The following GPAT3 variants were observed in gnomAD, a reference collection of about 807,000 sequenced individuals.
GPAT3 encodes 1-AGP acyltransferase 9.
In GPAT3, 53 loss-of-function variants were observed where a neutral mutation model predicts 58.8. The ratio of observed to expected loss-of-function variants is 0.90; its 90% CI spans 0.72 to 1.13. GPAT3 has a LOEUF of 1.13. GPAT3 is among the 50% of genes most tolerant of loss of function. The pLI, the probability that GPAT3 is intolerant of heterozygous loss-of-function variation, is 0.00. For synonymous variants in GPAT3, 197 were observed against 187.4 expected (o/e 1.05, Z -0.42); for missense variants, 511 against 527.6 (o/e 0.97, Z 0.31).
intron 4 of GPAT3, among the ~76,000 whole-genome samples, chr4:83,587,989 A>G (rs1012677400): frequency 2.6e-5 from 4 of 152,162 alleles, no homozygotes; most frequent in Admixed American, 6.5e-5. Flanking sequence ...GCCACTTTTC[A>G]TTAGAGTTAT....
intron 6 of GPAT3, among the ~76,000 whole-genome samples, chr4:83,591,726 T>G (rs1726608367): frequency 6.6e-6 from 1 of 152,188 alleles, no homozygotes; most frequent in African/African-American, 2.4e-5. Flanking sequence ...TGACCTTCCC[T>G]GTAATCCAAT....
At chr4:83,587,396 G>C in intron 4 of GPAT3, 67 bp downstream of exon 4, 1 of 1,361,974 alleles carries the variant, frequency 7.3e-7, no homozygotes, top group Non-Finnish European at 1.0e-6. Context: ...TCCACAAAGA[G>C]AATATTTGTT....
At chr4:83,595,651 C>G (rs1041489003) in intron 7 of GPAT3, among the ~76,000 whole-genome samples, 3 of 151,890 alleles carry the variant, frequency 2.0e-5, no homozygotes, top group African/African-American at 4.8e-5. Context: ...GAGGTTGAGG[C>G]TGCAGTGAGC....
rs144540309 is a variant in GPAT3, at chr4:83,586,413, G to A, written c.480-842G>A. On this transcript the variant is annotated intron_variant, in intron 3 of 11. Transcript: ENST00000264409. ...TCAGTCTGCTTATTGAATACCTCAC[G>A]CATTCAGCAACACGTGTGTGCTCTT... Among the ~76,000 whole-genome samples the A allele has an allele frequency of 1.9e-3, 282 of 152,196 alleles. 2 individuals are homozygous for A. Among genetic ancestry groups the A allele is most frequent in the African/African-American group, 6.1e-3 (254 of 41,542 alleles).
intron 1 of GPAT3, among the ~76,000 whole-genome samples, chr4:83,540,173 A>AAAAAG (rs1235754097): frequency 2.0e-5 from 3 of 152,002 alleles, no homozygotes; most frequent in African/African-American, 7.3e-5. Context: ...AAAAAAAAAA[A>AAAAAG]AAAAGAAATC....
At chr4:83,557,442 C>T (rs536258555) in intron 2 of GPAT3, among the ~76,000 whole-genome samples, 3 of 152,130 alleles carry the variant, frequency 2.0e-5, no homozygotes, top group African/African-American at 7.2e-5. Context: ...CTTTTGGCTT[C>T]CCTAGGCCAC....
intron 2 of GPAT3, among the ~76,000 whole-genome samples, chr4:83,562,898 A>G (rs1262137861): frequency 1.3e-5 from 2 of 152,172 alleles, no homozygotes; most frequent in South Asian, 2.1e-4. Context: ...TTTTCTCCCA[A>G]GAATAATAGA....
At chr4:83,548,854 C>T (rs1724639882) in intron 2 of GPAT3, among the ~76,000 whole-genome samples, 1 of 152,108 alleles carries the variant, frequency 6.6e-6, no homozygotes, top group Non-Finnish European at 1.5e-5. Flanking sequence ...GGAGAAGGTA[C>T]TAAGGTGAAA....
intron 7 of GPAT3, among the ~76,000 whole-genome samples, chr4:83,596,645 AGACTTACTTT>A (rs1258150328): frequency 5.9e-5 from 9 of 152,146 alleles, no homozygotes; most frequent in African/African-American, 2.2e-4. Flanking sequence ...AAAAGAAAAA[AGACTTACTTT>A]GAAATTAGAG....
chr4:83,551,813 A>AAAAAATCTATCTATCTATCT (rs768726930), intron 2 of GPAT3, among the ~76,000 whole-genome samples: 2 of 102,400 alleles, frequency 2.0e-5, no homozygotes, highest in African/African-American at 9.3e-5. Context: ...AAAAAAAAAA[A>AAAAAATCTATCTATCTATCT]ATCTATCTAT....
intron 2 of GPAT3, among the ~76,000 whole-genome samples, chr4:83,551,681 A>T (rs1724755394): frequency 6.6e-6 from 1 of 151,146 alleles, no homozygotes. Context: ...AGTCTCAGCT[A>T]CTCAGGAGGC....
intron 10 of GPAT3, 142 bp downstream of exon 10, chr4:83,598,321 C>A: frequency 1.8e-6 from 2 of 1,135,544 alleles, no homozygotes; most frequent in Non-Finnish European, 2.5e-6. Context: ...ATTTAGCTCA[C>A]TTTAAATCAG....
intron 2 of GPAT3, among the ~76,000 whole-genome samples, chr4:83,545,356 G>T (rs1461945445): frequency 1.3e-5 from 2 of 151,894 alleles, no homozygotes; most frequent in African/African-American, 4.8e-5. Context: ...TGAGGTGGGA[G>T]GATCACTTGA....
intron 2 of GPAT3, among the ~76,000 whole-genome samples, chr4:83,563,478 C>CT (rs908400401): frequency 0.021 from 2,378 of 114,454 alleles, 66 homozygotes; most frequent in Non-Finnish European, 0.028. Context: ...TTTCTTTCTT[C>CT]TTTTTTTTTT....
intron 1 of GPAT3, among the ~76,000 whole-genome samples, chr4:83,542,919 A>T (rs556431987): frequency 2.0e-5 from 3 of 151,662 alleles, no homozygotes; most frequent in Admixed American, 1.3e-4. Context: ...AATCGCTTGA[A>T]CCCTGGAGGT....
chr4:83,541,840 G>A (rs890960853), intron 1 of GPAT3, among the ~76,000 whole-genome samples: 13 of 152,176 alleles, frequency 8.5e-5, no homozygotes, highest in African/African-American at 2.9e-4. Context: ...GGATGTGGCC[G>A]CCTTCCAGCA....
At chr4:83,602,849 G>A (rs1727108924) in intron 11 of GPAT3, among the ~76,000 whole-genome samples, 2 of 152,198 alleles carry the variant, frequency 1.3e-5, no homozygotes, top group African/African-American at 4.8e-5. Flanking sequence ...GGATAAAAGA[G>A]GCTTATGTGG....
intron 2 of GPAT3, among the ~76,000 whole-genome samples, chr4:83,578,995 T>C (rs1725948919): frequency 7.4e-6 from 1 of 134,362 alleles, no homozygotes; most frequent in Non-Finnish European, 1.6e-5. Context: ...TTTCCTTCCT[T>C]CCTTCCTTCC....
At chr4:83,570,174 C>G (rs1013569285) in intron 2 of GPAT3, among the ~76,000 whole-genome samples, 7 of 152,190 alleles carry the variant, frequency 4.6e-5, no homozygotes, top group African/African-American at 1.7e-4. Flanking sequence ...GAGTCACCGA[C>G]TTGGTTGCAA....
Sources: allele counts gnomAD v4.1 joint callset (sites outside exome capture counted in the v4.1 genomes callset), GRCh38; gene constraint gnomAD v4.1.1; transcripts MANE v1.5; gene names NCBI Gene and HGNC (gene_info 2026-07-23, HGNC 2026-07-21).